The following ADARB1 variants were observed in gnomAD, a reference collection of about 807,000 sequenced individuals.
ADARB1 encodes the protein adenosine deaminase RNA specific B1.
A neutral mutation model predicts 52.4 loss-of-function variants in ADARB1; 10 were observed. The observed-to-expected ratio is 0.19, with a 90% confidence interval of 0.12 to 0.32. The LOEUF (loss-of-function observed/expected upper bound fraction) is 0.32. Among genes scored for constraint, ADARB1 ranks in the 10% least tolerant of loss-of-function variants. The pLI is 1.00. For missense variants in ADARB1, 643 were observed against 922.3 expected (o/e 0.70, Z 3.92); for synonymous variants, 349 against 371.1 (o/e 0.94, Z 0.68).
At chr21:45,096,665 C>G (rs1219605776) in intron 1 of ADARB1, among the ~76,000 whole-genome samples, 1 of 152,244 alleles carries the variant, frequency 6.6e-6, no homozygotes, top group East Asian at 1.9e-4. Context: ...TAGAAAGAAC[C>G]CATCATTGTC....
chr21:45,226,452 A>G lies in ADARB1; in HGVS notation c.*4255A>G, dbSNP rs768781814. On this transcript the variant is annotated 3_prime_UTR_variant, in exon 11 of 11. Coordinates refer to ENST00000348831, the MANE Select transcript of ADARB1 (RefSeq NM_001112.4). ...ATCTGTGTATACACCACACGTTACA[A>G]CTGCATGAGCTTCCTCTCGCACAAG... is the stretch of plus-strand genomic sequence containing the variant. 2.0e-5 allele frequency: 3 copies of G among 152,676 alleles called. No homozygotes were observed. Among genetic ancestry groups the G allele is most frequent in the Non-Finnish European group, 2.9e-5 (2 of 68,052 alleles). The allele number at this position is 152,676 out of a possible 1,614,324, so 9.5% of individuals were successfully genotyped here.
chr21:45,225,478 T>C lies in ADARB1; in HGVS notation c.*3281T>C. 7.6e-7 allele frequency: 1 copy of C among 1,312,394 alleles called. No individual in the cohort carries two copies. Among genetic ancestry groups the C allele is most frequent in the Non-Finnish European group, 9.8e-7 (1 of 1,021,786 alleles). The allele number at this position is 1,312,394 out of a possible 1,614,324, so 81.3% of individuals were successfully genotyped here. A position where few individuals can be genotyped will look rare whatever the true frequency, so the allele number is the denominator to read the frequency against. ...ATTTATTTTTATTCAAATAACCATATTTATCTCCAGGCTGTGGAATCGCCA... is the reference window on the plus strand; with the variant it reads ...ATTTATTTTTATTCAAATAACCATACTTATCTCCAGGCTGTGGAATCGCCA... On this transcript the variant is annotated 3_prime_UTR_variant, in exon 11 of 11. Transcript: ENST00000348831.
In ADARB1 at chr21:45,142,724, C is replaced by G. The variant is rs1289877918; in HGVS notation, c.-48+14151C>G. Among the ~76,000 whole-genome samples the G allele has an allele frequency of 6.6e-6, 1 of 152,202 alleles. No individual in the cohort carries two copies. The highest frequency in any genetic ancestry group is 1.5e-5 in the Non-Finnish European group (1 of 68,026). On this transcript the variant is annotated intron_variant, in intron 2 of 10. Transcript: ENST00000348831. This position sits in a 1 kb window ranked among gnomAD's most constrained non-coding sequence, Gnocchi z 4.0. Reference sequence around the variant, plus strand: ...CTACTGGGTGTGCAGCTGCTGCGGCCTAAGCGGCGTCCTTGCTTGGTCCCC... The same window carrying G: ...CTACTGGGTGTGCAGCTGCTGCGGCGTAAGCGGCGTCCTTGCTTGGTCCCC...
At chr21:45,175,114 T>C (rs1319427794) in intron 3 of ADARB1, among the ~76,000 whole-genome samples, 1 of 152,214 alleles carries the variant, frequency 6.6e-6, no homozygotes. Flanking sequence ...TTTACACAAT[T>C]ACATAAGCAG....
intron 1 of ADARB1, among the ~76,000 whole-genome samples, chr21:45,103,965 C>A (rs2087136343): frequency 6.6e-6 from 1 of 152,150 alleles, no homozygotes; most frequent in African/African-American, 2.4e-5. Flanking sequence ...CACAGTATAT[C>A]CTTTGGTTTT....
chr21:45,187,796 C>T (rs1260520745), intron 8 of ADARB1, among the ~76,000 whole-genome samples: 4 of 152,100 alleles, frequency 2.6e-5, no homozygotes, highest in Non-Finnish European at 4.4e-5. Flanking sequence ...GCCCTTCATT[C>T]TGTTAATGTA....
intron 5 of ADARB1, among the ~76,000 whole-genome samples, 160 bp from the exon 6 acceptor site, chr21:45,182,425 T>TA: frequency 6.6e-6 from 1 of 152,326 alleles, no homozygotes; most frequent in East Asian, 1.9e-4. Flanking sequence ...TTTGCCCACT[T>TA]AAAAAATAGG....
intron 1 of ADARB1, among the ~76,000 whole-genome samples, chr21:45,088,215 G>A (rs2086422639): frequency 6.6e-6 from 1 of 152,174 alleles, no homozygotes; most frequent in Non-Finnish European, 1.5e-5. Flanking sequence ...AGACCTAGAA[G>A]CAATGACCTC....
intron 2 of ADARB1, among the ~76,000 whole-genome samples, chr21:45,134,179 CAGT>C (rs1218718627): frequency 9.4e-6 from 1 of 106,878 alleles, no homozygotes; most frequent in African/African-American, 3.8e-5. Context: ...GTGTGCCCAA[CAGT>C]GGTGTGTGCG....
chr21:45,112,981 T>C (rs2087612002), intron 1 of ADARB1, among the ~76,000 whole-genome samples: 1 of 53,826 alleles, frequency 1.9e-5, no homozygotes, highest in Admixed American at 2.2e-4. Context: ...TGGCTGGAGT[T>C]GGGAGGCAGA....
chr21:45,188,513 G>A (rs1000907727), intron 8 of ADARB1, among the ~76,000 whole-genome samples: 6 of 151,942 alleles, frequency 3.9e-5, no homozygotes, highest in Non-Finnish European at 2.9e-5. Flanking sequence ...CTATCATTTG[G>A]TTACCATCTG....
Position 45,176,392 on chromosome 21 carries a change from C to T in ADARB1, c.691C>T (p.Pro231Ser). 1.2e-6 allele frequency: 2 copies of T among 1,614,188 alleles called. No homozygotes were observed. The highest frequency in any genetic ancestry group is 1.7e-6 in the Non-Finnish European group (2 of 1,180,026). Residue 231 changes from proline (P) to serine (S), a missense_variant, in exon 4 of 11, where the codon CCG (proline) becomes TCG (serine). Pro to Ser is a moderately conservative substitution (Grantham distance 74). Transcript: ENST00000348831. This position sits in a 1 kb window ranked among gnomAD's most constrained non-coding sequence, Gnocchi z 5.8. ...CCCTGTCTTACCACCATTCCCACCCCCGAGTGGGAAGAATCCCGTGATGAT... is the reference window on the plus strand; with the variant it reads ...CCCTGTCTTACCACCATTCCCACCCTCGAGTGGGAAGAATCCCGTGATGAT... ...PLPVLPPFPP[P>S]SGKNPVMILN... is the part of the protein sequence containing the mutation.
At position 45,223,769 on chromosome 21, in the gene ADARB1, T is replaced by C; in HGVS notation, c.*1572T>C. 1 of 985,470 alleles carries C rather than the reference T, an allele frequency of 1.0e-6. No individual in the cohort carries two copies. Among genetic ancestry groups the C allele is most frequent in the Non-Finnish European group, 1.2e-6 (1 of 829,972 alleles). The allele number at this position is 985,470 out of a possible 1,614,324, so 61.0% of individuals were successfully genotyped here. On this transcript the variant is annotated 3_prime_UTR_variant, in exon 11 of 11. Transcript: ENST00000348831. ...GACCCCAAAACTGAAACACCGTGGC[T>C]TCGGCGGGGGGTGTGCCTCCTGATG...
chr21:45,195,433 C>G (rs2092403004), intron 8 of ADARB1, among the ~76,000 whole-genome samples: 1 of 152,132 alleles, frequency 6.6e-6, no homozygotes, highest in South Asian at 2.1e-4. Flanking sequence ...TCAGTTATTT[C>G]TGTCATAGAT....
intron 8 of ADARB1, among the ~76,000 whole-genome samples, chr21:45,198,421 T>C (rs2146309379): frequency 6.6e-6 from 1 of 152,268 alleles, no homozygotes; most frequent in African/African-American, 2.4e-5. Flanking sequence ...GAACATTTTC[T>C]AGAAAAGTGT....
chr21:45,192,343 C>G (rs1406019265), intron 8 of ADARB1, among the ~76,000 whole-genome samples: 1 of 152,098 alleles, frequency 6.6e-6, no homozygotes, highest in African/African-American at 2.4e-5. Context: ...ATAGCCCCAC[C>G]CCAATGCCTC....
intron 3 of ADARB1, among the ~76,000 whole-genome samples, chr21:45,174,559 C>T (rs1364517100): frequency 6.6e-6 from 1 of 151,952 alleles, no homozygotes; most frequent in Non-Finnish European, 1.5e-5. Context: ...AAAAATTAGC[C>T]GGGCATGGTA....
chr21:45,219,669 G>A (rs2092928041), intron 9 of ADARB1, among the ~76,000 whole-genome samples: 1 of 152,304 alleles, frequency 6.6e-6, no homozygotes, highest in Non-Finnish European at 1.5e-5. Context: ...GCCAAATGAG[G>A]TGGATTTGCA....
chr21:45,081,805 T>C (rs892903761), intron 1 of ADARB1, among the ~76,000 whole-genome samples: 1 of 152,060 alleles, frequency 6.6e-6, no homozygotes, highest in African/African-American at 2.4e-5. Context: ...GCCTTCTGGC[T>C]AGAAGGATAG....
Sources: gnomAD v4.1 joint callset for allele counts (sites outside exome capture counted in the v4.1 genomes callset) on GRCh38, gnomAD v4.1.1 for gene constraint, Gnocchi (gnomAD v3.1) non-coding constraint, MANE v1.5 for transcripts, NCBI Gene and HGNC (gene_info 2026-07-23, HGNC 2026-07-21) for gene names.